Variants in DGKB observed in about 807,000 individuals in gnomAD.
DGKB encodes diacylglycerol kinase beta.
A neutral mutation model predicts 114.3 loss-of-function variants in DGKB; 67 were observed. That is an observed-to-expected ratio of 0.59 (90% CI 0.48 to 0.72). The LOEUF (loss-of-function observed/expected upper bound fraction) is 0.72, where lower values mean the gene tolerates loss of function less well. DGKB is among the 30% of genes least tolerant of loss of function. DGKB has a pLI of 0.00. For synonymous variants in DGKB, 398 were observed against 323.1 expected, an observed-to-expected ratio of 1.23 and a Z score of -2.49; for missense variants, 907 against 975.2, an observed-to-expected ratio of 0.93 and a Z score of 0.93.
At chr7:14,718,276 G>T (rs1390286858) in intron 6 of DGKB, among the ~76,000 whole-genome samples, 1 of 152,056 alleles carries the variant, frequency 6.6e-6, no homozygotes. Context: ...TAACTCCAGA[G>T]AACTGAGGAA....
chr7:14,296,521 C>T (rs28770037), intron 23 of DGKB, among the ~76,000 whole-genome samples: 3,802 of 152,202 alleles, frequency 0.025, 138 homozygotes, highest in African/African-American at 0.086. Flanking sequence ...TATATAGCCA[C>T]TAATGGGATT....
At chr7:14,618,469 T>G (rs1269795655) in intron 15 of DGKB, among the ~76,000 whole-genome samples, 1 of 151,680 alleles carries the variant, frequency 6.6e-6, no homozygotes, top group Non-Finnish European at 1.5e-5. Flanking sequence ...AACTTCAACA[T>G]AAACACAGTT....
At position 14,723,622 on chromosome 7, in the gene DGKB, T is replaced by C. The variant is rs146697676; in HGVS notation, c.323-4937A>G. On this transcript the variant is annotated intron_variant, in intron 5 of 25. Transcript: ENST00000402815. ...ACACACATATATATGTGTATGTATA[T>C]ACTACAATAGTACAAAATAAAGTGA... Among the ~76,000 whole-genome samples, 77 of 151,996 alleles carry C rather than the reference T, an allele frequency of 5.1e-4. 1 individual carries two copies. The East Asian group carries it at 0.014, about 27-fold the overall frequency.
At chr7:14,871,503 A>G (rs770084898) in intron 1 of DGKB, among the ~76,000 whole-genome samples, 1 of 152,100 alleles carries the variant, frequency 6.6e-6, no homozygotes, top group Admixed American at 6.6e-5. Flanking sequence ...CACAGAGTCA[A>G]TCTCGTACAG....
intron 21 of DGKB, among the ~76,000 whole-genome samples, chr7:14,420,978 A>C (rs200133225): frequency 6.6e-6 from 1 of 152,102 alleles, no homozygotes; most frequent in Non-Finnish European, 1.5e-5. Flanking sequence ...TCACAGATGG[A>C]AAATGGAAAG....
chr7:14,419,971 A>C (rs1450579227), intron 21 of DGKB, among the ~76,000 whole-genome samples: 1 of 152,060 alleles, frequency 6.6e-6, no homozygotes, highest in Admixed American at 6.6e-5. Context: ...TTCTTAAATA[A>C]TGTCAACTTA....
intron 2 of DGKB, among the ~76,000 whole-genome samples, chr7:14,823,077 A>G (rs555723112): frequency 6.6e-6 from 1 of 151,960 alleles, no homozygotes; most frequent in Admixed American, 6.6e-5. Context: ...ATCTCATCTC[A>G]TACAATTACA....
At chr7:14,860,607 C>T (rs915501071) in intron 1 of DGKB, among the ~76,000 whole-genome samples, 25 of 151,944 alleles carry the variant, frequency 1.6e-4, no homozygotes, top group Admixed American at 3.3e-4. Context: ...TCCTAAGAGA[C>T]GAGTATTTCA....
intron 5 of DGKB, among the ~76,000 whole-genome samples, chr7:14,733,723 G>C (rs933747247): frequency 7.1e-6 from 1 of 139,878 alleles, no homozygotes; most frequent in Non-Finnish European, 1.5e-5. Context: ...GAGAGAAAGA[G>C]AAAGAAATAA....
upstream of DGKB, chr7:14,974,787 G>C (rs1436187519): frequency 6.6e-6 from 1 of 152,100 alleles, no homozygotes; most frequent in African/African-American, 2.4e-5. Flanking sequence ...TACAAAAGCA[G>C]AGGTTCTGTG....
intron 20 of DGKB, among the ~76,000 whole-genome samples, chr7:14,489,258 A>G (rs1018403430): frequency 2.0e-5 from 3 of 152,200 alleles, no homozygotes; most frequent in Admixed American, 2.0e-4. Context: ...TTATATAGCT[A>G]AGATATTTAC....
chr7:14,698,017 G>GAGAA (rs937234038), intron 8 of DGKB, 78 bp downstream of exon 8: 228 of 676,436 alleles, frequency 3.4e-4, no homozygotes, highest in South Asian at 1.7e-3. Context: ...AAGAAAGAAA[G>GAGAA]AGAAAGAAAG....
intron 23 of DGKB, among the ~76,000 whole-genome samples, chr7:14,221,065 G>A (rs1018118181): frequency 4.0e-5 from 6 of 150,890 alleles, no homozygotes; most frequent in Admixed American, 6.6e-5. Flanking sequence ...ATATTATTTT[G>A]GTGAATTCCT....
At chr7:14,460,575 TC>T (rs1832938775) in intron 21 of DGKB, among the ~76,000 whole-genome samples, 1 of 151,516 alleles carries the variant, frequency 6.6e-6, no homozygotes, top group East Asian at 1.9e-4. Flanking sequence ...TATATATGCA[TC>T]CAATACAGGG....
intron 25 of DGKB, among the ~76,000 whole-genome samples, chr7:14,155,548 T>C (rs537542635): frequency 1.0e-3 from 154 of 152,154 alleles, no homozygotes; most frequent in African/African-American, 3.5e-3. Flanking sequence ...GCTGGTGCCA[T>C]ACCAGAGGCA....
intron 1 of DGKB, among the ~76,000 whole-genome samples, chr7:14,846,146 G>A (rs967272183): frequency 2.6e-5 from 4 of 152,118 alleles, no homozygotes; most frequent in African/African-American, 9.7e-5. Context: ...ACCCCTATTT[G>A]CATTTTGACA....
intron 13 of DGKB, among the ~76,000 whole-genome samples, chr7:14,657,302 G>T (rs1816046269): frequency 2.1e-5 from 1 of 47,634 alleles, no homozygotes; most frequent in Non-Finnish European, 7.4e-5. Flanking sequence ...ATAAAAGGCA[G>T]CTATCCTTTA....
At chr7:14,397,057 G>C (rs1472221387) in intron 21 of DGKB, among the ~76,000 whole-genome samples, 3 of 152,080 alleles carry the variant, frequency 2.0e-5, no homozygotes, top group Non-Finnish European at 2.9e-5. Flanking sequence ...GAGAGAGAGA[G>C]AGAAATTTAC....
At chr7:14,253,390 G>A (rs1469162282) in intron 23 of DGKB, among the ~76,000 whole-genome samples, 1 of 152,100 alleles carries the variant, frequency 6.6e-6, no homozygotes, top group East Asian at 1.9e-4. Flanking sequence ...CTGCCGTCTT[G>A]CTGTCACTTG....
Sources: gnomAD v4.1 joint callset for allele counts (sites outside exome capture counted in the v4.1 genomes callset) on GRCh38, gnomAD v4.1.1 for gene constraint, MANE v1.5 for transcripts, NCBI Gene and HGNC (gene_info 2026-07-23, HGNC 2026-07-21) for gene names.